DNM1: variants seen among roughly 807,000 people sequenced by gnomAD.
DNM1 encodes dynamin 1, also known as dynamin-1.
DNM1 carries 29 observed loss-of-function variants against 104.6 expected under a neutral mutation model. That is an observed-to-expected ratio of 0.28 (90% CI 0.21 to 0.38). The LOEUF (loss-of-function observed/expected upper bound fraction) is 0.38, where lower values mean the gene tolerates loss of function less well. Among genes scored for constraint, DNM1 ranks in the 10% least tolerant of loss-of-function variants. The pLI is 1.00. For missense variants in DNM1, 640 were observed against 1,189.4 expected (o/e 0.54, Z 6.79); for synonymous variants, 445 against 475.8 (o/e 0.94, Z 0.84).
At chr9:128,219,682 G>A (rs1183115247) in intron 4 of DNM1, among the ~76,000 whole-genome samples, 1 of 151,856 alleles carries the variant, frequency 6.6e-6, no homozygotes, top group Non-Finnish European at 1.5e-5. Flanking sequence ...AGAAAAAAAG[G>A]CTGGGTGCAG....
At chr9:128,236,253 C>T (rs1836004810) in intron 11 of DNM1, among the ~76,000 whole-genome samples, 1 of 152,226 alleles carries the variant, frequency 6.6e-6, no homozygotes, top group African/African-American at 2.4e-5. Context: ...CCTCACGGAG[C>T]TCGGAGGCTA....
intron 10 of DNM1, among the ~76,000 whole-genome samples, chr9:128,226,888 A>T (rs905694175): frequency 1.3e-5 from 2 of 152,082 alleles, no homozygotes; most frequent in African/African-American, 4.8e-5. Context: ...CAGCAGGCTA[A>T]ATCAGAGGTG....
At chr9:128,230,244 A>T (rs948782160) in intron 10 of DNM1, among the ~76,000 whole-genome samples, 3 of 149,254 alleles carry the variant, frequency 2.0e-5, no homozygotes, top group Non-Finnish European at 4.4e-5. Context: ...ATTAAAAATT[A>T]AAAAAAAAGA....
At position 128,240,027 on chromosome 9, in the gene DNM1, T is replaced by C. The variant is rs1836266632; in HGVS notation, c.1557+31T>C. On this transcript the variant is annotated intron_variant, in intron 14 of 21. Transcript: ENST00000372923. The surrounding 1 kb of genome is among the most constrained non-coding windows in gnomAD (Gnocchi z 5.1). The stretch of plus-strand genomic sequence containing the variant: ...TACCAGGACTGGGGCTCTCGGCTTG[T>C]GTAGTGAGGGGGCGGAGGGTCCATC... The C allele has an allele frequency of 6.2e-7, 1 of 1,613,760 alleles. No homozygotes were observed. Among genetic ancestry groups the C allele is most frequent in the Non-Finnish European group, 8.5e-7 (1 of 1,179,784 alleles).
chr9:128,242,957 C>T (rs1182653525), intron 15 of DNM1, among the ~76,000 whole-genome samples: 2 of 152,108 alleles, frequency 1.3e-5, no homozygotes, highest in African/African-American at 4.8e-5. Flanking sequence ...AGCCCAGCAG[C>T]CTTCCTGTTT....
rs577034235 is a variant in DNM1, at chr9:128,222,936, A to G, written c.1196+76A>G. ...GGGACAGAGGCACAGGGAGTGATGA[A>G]GTGGGCCTCCCTCAGGAAGGACTGA... On this transcript the variant is annotated intron_variant, in intron 9 of 21. Coordinates refer to ENST00000372923, the MANE Select transcript of DNM1 (RefSeq NM_004408.4). This position sits in a 1 kb window ranked among gnomAD's most constrained non-coding sequence, Gnocchi z 7.8. 1.1e-4 allele frequency: 152 copies of G among 1,395,106 alleles called. 4 individuals are homozygous for G. In the South Asian group the frequency reaches 1.7e-3, roughly 15 times the overall value. The allele number at this position is 1,395,106 out of a possible 1,614,324, so 86.4% of individuals were successfully genotyped here.
chr9:128,217,712 C>T (rs539405617), intron 1 of DNM1, among the ~76,000 whole-genome samples: 13 of 152,194 alleles, frequency 8.5e-5, no homozygotes, highest in South Asian at 2.1e-4. Flanking sequence ...CCACCGCGCC[C>T]GGCCCATGAG....
intron 1 of DNM1, among the ~76,000 whole-genome samples, chr9:128,216,198 C>T (rs958607843): frequency 1.3e-5 from 2 of 152,312 alleles, no homozygotes; most frequent in African/African-American, 4.8e-5. Flanking sequence ...GCACAGGGCC[C>T]GGCACAGACT....
intron 1 of DNM1, among the ~76,000 whole-genome samples, chr9:128,215,023 C>T (rs1834522024): frequency 6.6e-6 from 1 of 152,240 alleles, no homozygotes; most frequent in Non-Finnish European, 1.5e-5. Flanking sequence ...CATGCACATT[C>T]CTTCTCGTGT....
chr9:128,213,142 C>T (rs1260503924), intron 1 of DNM1, among the ~76,000 whole-genome samples: 1 of 152,190 alleles, frequency 6.6e-6, no homozygotes, highest in Non-Finnish European at 1.5e-5. Context: ...AGTACAGCGG[C>T]AGGATCTCAG....
intron 1 of DNM1, among the ~76,000 whole-genome samples, chr9:128,205,785 G>A (rs1185745738): frequency 6.6e-6 from 1 of 152,192 alleles, no homozygotes; most frequent in African/African-American, 2.4e-5. Flanking sequence ...CCTTCCTGGA[G>A]CCCATGACGC....
chr9:128,240,098 G>A lies in DNM1; in HGVS notation c.1557+102G>A. ...GGTAGGAGGGCACCCTTTGGCTGAAGCTGCTTGTACACACCAGCCCCTGGC... is the reference window on the plus strand; with the variant it reads ...GGTAGGAGGGCACCCTTTGGCTGAAACTGCTTGTACACACCAGCCCCTGGC... On this transcript the variant is annotated intron_variant, in intron 14 of 21. Transcript: ENST00000372923. The surrounding 1 kb of genome is among the most constrained non-coding windows in gnomAD (Gnocchi z 5.1). 1 of 1,397,064 alleles carries A rather than the reference G, an allele frequency of 7.2e-7. No individual in the cohort carries two copies. Among genetic ancestry groups the A allele is most frequent in the Non-Finnish European group, 1.0e-6 (1 of 984,980 alleles). 86.5% of individuals were successfully genotyped at this position (1,397,064 alleles called of 1,614,324 possible).
chr9:128,245,013 G>A lies in DNM1; in HGVS notation c.1672-1381G>A, dbSNP rs957378714. 1 of 288,246 alleles carries A rather than the reference G, an allele frequency of 3.5e-6. No homozygotes were observed. The highest frequency in any genetic ancestry group is 7.2e-6 in the Non-Finnish European group (1 of 138,444). 17.9% of individuals were successfully genotyped at this position (288,246 alleles called of 1,614,324 possible). On this transcript the variant is annotated intron_variant, in intron 15 of 21. Transcript: ENST00000372923. The surrounding 1 kb of genome is among the most constrained non-coding windows in gnomAD (Gnocchi z 5.2). ...CGTGGCAGGGGTGAGCGGGAGCTGG[G>A]GCTGAGAAGGAGGGGCCTGAGGAGG... is the stretch of plus-strand genomic sequence containing the variant.
At position 128,220,323 on chromosome 9, in the gene DNM1, G is replaced by A; in HGVS notation, c.831G>A (p.Leu277=). Residue 277 remains leucine, a synonymous_variant, in exon 6 of 22, where the codon CTG becomes CTA. Coordinates refer to ENST00000372923, the MANE Select transcript of DNM1 (RefSeq NM_004408.4). The surrounding 1 kb of genome is among the most constrained non-coding windows in gnomAD (Gnocchi z 5.2). ...CTGACCGTATGGGCACGCCCTACCT[G>A]CAGAAGGTCCTCAATCAGGTAGGCG... ...HLADRMGTPY[L]QKVLNQQLTN... The A allele has an allele frequency of 6.2e-7, 1 of 1,614,030 alleles. No individual in the cohort carries two copies. The highest frequency in any genetic ancestry group is 8.5e-7 in the Non-Finnish European group (1 of 1,180,044).
rs933803259 is a variant in DNM1 at position 128,222,236 on chromosome 9, C to T, written c.889C>T (p.Arg297Trp). The change falls in exon 7 of 22, where the codon CGG becomes TGG. Residue 297 changes from arginine to tryptophan, a missense_variant. Arg to Trp is a moderately radical substitution (Grantham distance 101). Transcript: ENST00000372923. This position sits in a 1 kb window ranked among gnomAD's most constrained non-coding sequence, Gnocchi z 7.8. ...CATCCGGGACACACTGCCGGGGCTG[C>T]GGAACAAGCTGCAGAGCCAGCTACT... is the stretch of plus-strand genomic sequence containing the variant. ...NHIRDTLPGLRNKLQSQLLSI... is the reference protein window; with the variant it reads ...NHIRDTLPGLWNKLQSQLLSI... The T allele has an allele frequency of 4.3e-6, 7 of 1,613,966 alleles. No individual in the cohort carries two copies. In the African/African-American group the frequency reaches 5.3e-5, roughly 12 times the overall value.
At position 128,224,209 on chromosome 9, in the gene DNM1, T is replaced by C. The variant is rs1474276414; in HGVS notation, c.1197-42T>C. The C allele has an allele frequency of 1.9e-6, 3 of 1,594,416 alleles. No individual in the cohort carries two copies. On this transcript the variant is annotated intron_variant, in intron 9 of 21. Transcript: ENST00000372923. The surrounding 1 kb of genome is among the most constrained non-coding windows in gnomAD (Gnocchi z 4.3). ...TCGGCCTGGCCCTCCTGGCCGGCAC[T>C]GGCCTGTGACACTCTGCCCTTCTCC...
At chr9:128,230,872 G>A (rs564156929) in intron 10 of DNM1, among the ~76,000 whole-genome samples, 10 of 151,746 alleles carry the variant, frequency 6.6e-5, no homozygotes, top group South Asian at 2.1e-4. Flanking sequence ...GCACGATCTC[G>A]GCTCACTGCA....
intron 20 of DNM1, 78 bp downstream of exon 20, chr9:128,250,434 C>G: frequency 7.1e-7 from 1 of 1,408,748 alleles, no homozygotes; most frequent in African/African-American, 1.4e-5. Context: ...CGGGCAGTGG[C>G]GCGCCCGCGT....
intron 12 of DNM1, 45 bp from the exon 13 acceptor site, chr9:128,239,682 TG>T (rs1263837950): frequency 6.9e-6 from 11 of 1,588,300 alleles, no homozygotes; most frequent in Non-Finnish European, 8.6e-6. Context: ...GCAGTAGAGC[TG>T]GGCCTCTTGA....
Sources: allele counts gnomAD v4.1 joint callset (sites outside exome capture counted in the v4.1 genomes callset), GRCh38; gene constraint gnomAD v4.1.1; non-coding constraint Gnocchi (gnomAD v3.1); transcripts MANE v1.5; gene names NCBI Gene and HGNC (gene_info 2026-07-23, HGNC 2026-07-21).